Variants in C1QTNF1 observed in about 807,000 individuals in gnomAD.
The protein encoded by C1QTNF1 is C1q and TNF related 1, also known as complement C1q tumor necrosis factor-related protein 1.
A neutral mutation model predicts 27.8 loss-of-function variants in C1QTNF1; 22 were observed. That is an observed-to-expected ratio of 0.79 (90% CI 0.56 to 1.13). The LOEUF (loss-of-function observed/expected upper bound fraction) is 1.13. C1QTNF1 is among the 50% of genes most tolerant of loss of function. The pLI, the probability that C1QTNF1 is intolerant of heterozygous loss-of-function variation, is 0.00. For synonymous variants in C1QTNF1, 166 were observed against 154.3 expected, an observed-to-expected ratio of 1.08 and a Z score of -0.56; for missense variants, 373 against 380.2, an observed-to-expected ratio of 0.98 and a Z score of 0.16.
Position 79,031,340 on chromosome 17 carries a change from G to A in C1QTNF1, c.-15+6846G>A, listed in dbSNP as rs185953578. On this transcript the variant is annotated intron_variant, in intron 1 of 3. Coordinates refer to ENST00000579760, the MANE Select transcript of C1QTNF1 (RefSeq NM_030968.5). ...CTTTAAATGTCTTTAGAAAGAACGC[G>A]TTTACTGGTTTACCACAATCCCCAT... Among the ~76,000 whole-genome samples, 92 of 152,108 alleles carry A rather than the reference G, an allele frequency of 6.0e-4. 2 individuals carry two copies. The highest frequency in any genetic ancestry group is 1.8e-4 in the Non-Finnish European group (12 of 67,974).
intron 1 of C1QTNF1, among the ~76,000 whole-genome samples, chr17:79,039,055 G>A (rs549274851): frequency 4.7e-4 from 67 of 142,714 alleles, no homozygotes; most frequent in African/African-American, 1.7e-3. Flanking sequence ...CCCAGTGACA[G>A]CATCGTTCCT....
At chr17:79,044,401 G>A (rs1376582430) in intron 2 of C1QTNF1, among the ~76,000 whole-genome samples, 1 of 152,206 alleles carries the variant, frequency 6.6e-6, no homozygotes, top group African/African-American at 2.4e-5. Context: ...GCCTCCTTAA[G>A]AGCAGACCAA....
intron 1 of C1QTNF1, among the ~76,000 whole-genome samples, chr17:79,026,417 G>A (rs1019707632): frequency 6.6e-6 from 1 of 152,212 alleles, no homozygotes; most frequent in Non-Finnish European, 1.5e-5. Flanking sequence ...ACCTTCCAAA[G>A]TGCTGGGATT....
chr17:79,046,033 G>A lies in C1QTNF1; in HGVS notation c.156-522G>A, dbSNP rs553038423. ...GCCAGAGCACATGTGATGCCATGAG[G>A]GGCCGCGAGGTGGCAGCCAGGAGCC... On this transcript the variant is annotated intron_variant, in intron 2 of 3. Coordinates refer to ENST00000579760, the MANE Select transcript of C1QTNF1 (RefSeq NM_030968.5). The surrounding 1 kb of genome is among the most constrained non-coding windows in gnomAD (Gnocchi z 4.8). 7.2e-5 allele frequency among the ~76,000 whole-genome samples: 11 copies of A among 152,278 alleles called. No homozygotes were observed. In the East Asian group the frequency reaches 2.1e-3, roughly 29 times the overall value.
chr17:79,039,350 C>A (rs1299804633), intron 1 of C1QTNF1, among the ~76,000 whole-genome samples: 1 of 152,206 alleles, frequency 6.6e-6, no homozygotes, highest in Non-Finnish European at 1.5e-5. Flanking sequence ...TAGGCCCAAA[C>A]CTCAATGGTG....
At chr17:79,044,224 A>C (rs1282483464) in intron 2 of C1QTNF1, 101 bp downstream of exon 2, 2 of 1,322,054 alleles carry the variant, frequency 1.5e-6, no homozygotes, top group Non-Finnish European at 2.0e-6. Context: ...TGAGATGTGA[A>C]GGCAAGAAAG....
At chr17:79,045,016 T>C (rs1198329286) in intron 2 of C1QTNF1, among the ~76,000 whole-genome samples, 1 of 151,316 alleles carries the variant, frequency 6.6e-6, no homozygotes, top group Non-Finnish European at 1.5e-5. Flanking sequence ...CCAGGAGCTC[T>C]GAGGCCGAGA....
intron 1 of C1QTNF1, among the ~76,000 whole-genome samples, chr17:79,036,649 T>G (rs116308831): frequency 3.5e-4 from 53 of 152,324 alleles, no homozygotes; most frequent in African/African-American, 1.2e-3. Context: ...ATTCAACATG[T>G]GTTGTTCTGT....
rs753794387 is a variant in C1QTNF1, at chr17:79,044,045, G to T, written c.77G>T (p.Arg26Leu). 2.5e-6 allele frequency: 4 copies of T among 1,613,914 alleles called. No homozygotes were observed. Among genetic ancestry groups the T allele is most frequent in the South Asian group, 2.2e-5 (2 of 91,054 alleles). Residue 26 changes from arginine to leucine, a missense_variant, in exon 2 of 4, where the codon CGT becomes CTT. Arg to Leu is a moderately radical substitution (Grantham distance 102). Coordinates refer to ENST00000579760, the MANE Select transcript of C1QTNF1 (RefSeq NM_030968.5). The part of the protein sequence containing the change: ...LAFASGLVLS[R>L]VPHVQGEQQE... ...TTTGCCTCTGGCCTGGTCCTGAGTC[G>T]TGTGCCCCATGTCCAGGGGGAACAG...
At chr17:79,038,055 T>C (rs1347567148) in intron 1 of C1QTNF1, among the ~76,000 whole-genome samples, 2 of 151,946 alleles carry the variant, frequency 1.3e-5, no homozygotes, top group Non-Finnish European at 2.9e-5. Context: ...AGTGGCGCGA[T>C]CTTGGCTCAC....
intron 1 of C1QTNF1, among the ~76,000 whole-genome samples, chr17:79,039,869 T>C (rs972529489): frequency 4.0e-5 from 6 of 151,856 alleles, no homozygotes; most frequent in African/African-American, 1.2e-4. Context: ...ATATAAAATT[T>C]GGGATTCAGG....
Position 79,047,912 on chromosome 17 carries a change from C to G in C1QTNF1, c.670C>G (p.Gln224Glu), listed in dbSNP as rs2072638015. ...NEEEVVILFA[Q>E]VGDRSIMQSQ... ...GGAGGAGGTGGTGATCTTGTTCGCGCAGGTGGGCGACCGCAGCATCATGCA... is the reference window on the plus strand; with the variant it reads ...GGAGGAGGTGGTGATCTTGTTCGCGGAGGTGGGCGACCGCAGCATCATGCA... The change falls in exon 4 of 4, where the codon CAG becomes GAG. Residue 224 changes from glutamine to glutamate, a missense_variant. Physicochemically the swap from Gln to Glu is conservative, Grantham distance 29 (BLOSUM62 2). Transcript: ENST00000579760. 1 of 1,614,126 alleles carries G rather than the reference C, an allele frequency of 6.2e-7. No individual in the cohort carries two copies. The highest frequency in any genetic ancestry group is 8.5e-7 in the Non-Finnish European group (1 of 1,180,008).
chr17:79,045,597 G>C (rs1054073826), intron 2 of C1QTNF1, among the ~76,000 whole-genome samples: 38 of 152,332 alleles, frequency 2.5e-4, no homozygotes, highest in African/African-American at 7.7e-4. Context: ...GTTGTGCCAG[G>C]GGGTTGGCGG....
At chr17:79,047,200 G>C (rs1160465280) in intron 3 of C1QTNF1, 1 of 296,270 alleles carries the variant, frequency 3.4e-6, no homozygotes, top group Non-Finnish European at 6.2e-6. Context: ...CATTGCTTTT[G>C]GACGAACCCG....
chr17:79,030,024 G>T (rs186433502), intron 1 of C1QTNF1, among the ~76,000 whole-genome samples: 4 of 152,190 alleles, frequency 2.6e-5, no homozygotes, highest in African/African-American at 9.6e-5. Flanking sequence ...CCGTGGTTCC[G>T]CTTGAGCCTC....
At chr17:79,040,536 C>A (rs925862407) in intron 1 of C1QTNF1, among the ~76,000 whole-genome samples, 1 of 151,936 alleles carries the variant, frequency 6.6e-6, no homozygotes, top group African/African-American at 2.4e-5. Flanking sequence ...GAAGACAAGG[C>A]GGGCAGGATT....
chr17:79,035,581 C>G (rs2072246142), intron 1 of C1QTNF1, among the ~76,000 whole-genome samples: 1 of 152,100 alleles, frequency 6.6e-6, no homozygotes. Context: ...CAGACACACA[C>G]CACTGCACCC....
chr17:79,029,227 C>T (rs1398022088), intron 1 of C1QTNF1, among the ~76,000 whole-genome samples: 2 of 152,150 alleles, frequency 1.3e-5, no homozygotes, highest in African/African-American at 2.4e-5. Context: ...GCCCAGTGGG[C>T]GGGAACGGTC....
At chr17:79,023,758 G>A (rs1205852590), upstream of C1QTNF1, among the ~76,000 whole-genome samples, 1 of 151,246 alleles carries the variant, frequency 6.6e-6, no homozygotes, top group Non-Finnish European at 1.5e-5. Context: ...TTTGTTATAG[G>A]GGGTTCACAG....
Sources: gnomAD v4.1 joint callset for allele counts (sites outside exome capture counted in the v4.1 genomes callset) on GRCh38, gnomAD v4.1.1 for gene constraint, Gnocchi (gnomAD v3.1) non-coding constraint, MANE v1.5 for transcripts, NCBI Gene and HGNC (gene_info 2026-07-23, HGNC 2026-07-21) for gene names.